Variants in PKIB observed in about 807,000 individuals in gnomAD.
PKIB encodes PKI-beta.
Under a neutral mutation model 4.5 loss-of-function variants are expected in PKIB, and 2 were observed. The ratio of observed to expected loss-of-function variants is 0.44; its 90% CI spans 0.18 to 1.39. PKIB has a LOEUF of 1.39. Among genes scored for constraint, PKIB ranks in the 40% most tolerant of loss-of-function variants. The pLI is 0.27. For synonymous variants in PKIB, 38 were observed against 36.0 expected (o/e 1.06, Z -0.20); for missense variants, 94 against 92.6 (o/e 1.02, Z -0.06).
At chr6:122,516,273 T>C (rs1776748802) in intron 2 of PKIB, among the ~76,000 whole-genome samples, 1 of 152,184 alleles carries the variant, frequency 6.6e-6, no homozygotes, top group East Asian at 1.9e-4. Flanking sequence ...TTCAGGTGAA[T>C]TCACTCATCC....
At chr6:122,501,082 A>G (rs1776219386) in intron 2 of PKIB, among the ~76,000 whole-genome samples, 1 of 152,118 alleles carries the variant, frequency 6.6e-6, no homozygotes, top group African/African-American at 2.4e-5. Flanking sequence ...AAACCATATC[A>G]TTCTGCCCCC....
intron 2 of PKIB, chr6:122,478,717 G>T (rs994741766): frequency 1.3e-5 from 2 of 152,054 alleles, no homozygotes; most frequent in African/African-American, 4.8e-5. Flanking sequence ...ATATTTATAT[G>T]AATACAACCA....
At chr6:122,606,926 T>C (rs1471077046), upstream of PKIB, among the ~76,000 whole-genome samples, 1 of 151,938 alleles carries the variant, frequency 6.6e-6, no homozygotes, top group Non-Finnish European at 1.5e-5. Flanking sequence ...AAATACAAAC[T>C]TCTGCATTTA....
chr6:122,657,820 T>G (rs1051452894), intron 2 of PKIB, among the ~76,000 whole-genome samples: 1 of 152,232 alleles, frequency 6.6e-6, no homozygotes, highest in Non-Finnish European at 1.5e-5. Context: ...ATAAAAATTC[T>G]TTCAGTCCAG....
intron 2 of PKIB, among the ~76,000 whole-genome samples, chr6:122,652,231 G>A (rs1776581289): frequency 6.6e-6 from 1 of 151,780 alleles, no homozygotes; most frequent in South Asian, 2.1e-4. Flanking sequence ...GCAATTTATG[G>A]AGAATGTACA....
At chr6:122,602,966 A>AG (rs1490454579) in intron 3 of PKIB, among the ~76,000 whole-genome samples, 2 of 148,234 alleles carry the variant, frequency 1.3e-5, no homozygotes, top group East Asian at 3.9e-4. Flanking sequence ...AAAAAAAAAA[A>AG]AAAAAAAAAA....
rs1256170932 is a variant in PKIB at position 122,627,671 on chromosome 6, T to A, written c.-160-5612T>A. On this transcript the variant is annotated intron_variant, in intron 1 of 4. Coordinates refer to ENST00000368452, the MANE Select transcript of PKIB (RefSeq NM_181795.3). ...TTTGACATCTTTCACATTTGTCAGC[T>A]TTTAGTCACAAACTAAAACACTTGG... Among the ~76,000 whole-genome samples the A allele has an allele frequency of 2.0e-5, 3 of 152,216 alleles. No individual in the cohort carries two copies. In the East Asian group the frequency reaches 5.8e-4, roughly 29 times the overall value.
chr6:122,670,647 A>G (rs1172459104), intron 2 of PKIB, among the ~76,000 whole-genome samples: 1 of 152,122 alleles, frequency 6.6e-6, no homozygotes, highest in Non-Finnish European at 1.5e-5. Context: ...TATTTCATTA[A>G]TTTATTCATT....
At chr6:122,624,182 G>A (rs1352248672) in intron 1 of PKIB, among the ~76,000 whole-genome samples, 2 of 152,016 alleles carry the variant, frequency 1.3e-5, no homozygotes, top group Non-Finnish European at 2.9e-5. Context: ...ATTTCAGGAG[G>A]GCAACTTAAT....
chr6:122,601,615 C>A (rs960581086), intron 3 of PKIB, among the ~76,000 whole-genome samples: 1 of 152,154 alleles, frequency 6.6e-6, no homozygotes, highest in Non-Finnish European at 1.5e-5. Context: ...TCCTCTTCCT[C>A]CTACTCAGCC....
At chr6:122,545,825 G>A (rs908752475) in intron 2 of PKIB, among the ~76,000 whole-genome samples, 2 of 150,882 alleles carry the variant, frequency 1.3e-5, no homozygotes, top group Admixed American at 6.6e-5. Context: ...ATAAATAAAG[G>A]CTTTCCATCA....
At chr6:122,496,345 A>G (rs1480379131) in intron 2 of PKIB, among the ~76,000 whole-genome samples, 2 of 152,194 alleles carry the variant, frequency 1.3e-5, no homozygotes, top group African/African-American at 4.8e-5. Context: ...ATGTTGCAAC[A>G]CCACCAAAGG....
At chr6:122,634,671 C>A (rs1582760039) in intron 2 of PKIB, among the ~76,000 whole-genome samples, 2 of 152,164 alleles carry the variant, frequency 1.3e-5, no homozygotes, top group African/African-American at 4.8e-5. Flanking sequence ...CCCATTAACC[C>A]TCTGTGATTT....
chr6:122,574,789 A>G (rs1415365393), intron 2 of PKIB, among the ~76,000 whole-genome samples: 1 of 152,204 alleles, frequency 6.6e-6, no homozygotes, highest in African/African-American at 2.4e-5. Context: ...CTAAAATCAT[A>G]ACAATTCTGG....
At chr6:122,618,537 C>G (rs2114781361) in intron 1 of PKIB, among the ~76,000 whole-genome samples, 1 of 152,078 alleles carries the variant, frequency 6.6e-6, no homozygotes, top group African/African-American at 2.4e-5. Flanking sequence ...AAAAAAAGGT[C>G]TATTTATATT....
intron 2 of PKIB, among the ~76,000 whole-genome samples, chr6:122,516,005 G>A (rs912796647): frequency 6.6e-6 from 1 of 152,050 alleles, no homozygotes; most frequent in Non-Finnish European, 1.5e-5. Context: ...GAACCACCAC[G>A]CCCGGCCTCT....
intron 2 of PKIB, among the ~76,000 whole-genome samples, chr6:122,550,683 C>G (rs1772650681): frequency 6.6e-6 from 1 of 152,178 alleles, no homozygotes; most frequent in South Asian, 2.1e-4. Flanking sequence ...AGAAATGCTT[C>G]AAAGCACCTG....
intron 2 of PKIB, among the ~76,000 whole-genome samples, chr6:122,581,265 G>T (rs1046919128): frequency 6.6e-6 from 1 of 152,134 alleles, no homozygotes; most frequent in Admixed American, 6.6e-5. Flanking sequence ...GTATTGCAAT[G>T]TAAGATTTCC....
chr6:122,717,940 T>G lies in PKIB; in HGVS notation c.146T>G (p.Leu49Arg). 1 of 1,613,626 alleles carries G rather than the reference T, an allele frequency of 6.2e-7. No homozygotes were observed. Among genetic ancestry groups the G allele is most frequent in the Non-Finnish European group, 8.5e-7 (1 of 1,179,590 alleles). Residue 49 changes from leucine to arginine, a missense_variant, in exon 4 of 5, where the codon CTG becomes CGG. By Grantham distance (102) the Leu-to-Arg change is moderately radical. Coordinates refer to ENST00000368452, the MANE Select transcript of PKIB (RefSeq NM_181795.3). ...TDGTSDLPLK[L>R]EALSVKEDAK... The stretch of plus-strand genomic sequence containing the variant: ...GGAACCTCAGATTTGCCCCTCAAAC[T>G]GGAGGCTCTCTCCGTGAAGGAAGGT...
Sources: gnomAD v4.1 joint callset for allele counts (sites outside exome capture counted in the v4.1 genomes callset) on GRCh38, gnomAD v4.1.1 for gene constraint, MANE v1.5 for transcripts, NCBI Gene and HGNC (gene_info 2026-07-23, HGNC 2026-07-21) for gene names.